Variants in GDNF observed in about 807,000 individuals in gnomAD.
GDNF encodes the protein glial cell derived neurotrophic factor, also known as glial cell line-derived neurotrophic factor.
GDNF carries 5 observed loss-of-function variants against 13.7 expected under a neutral mutation model. The observed-to-expected ratio is 0.36, with a 90% CI of 0.19 to 0.77. GDNF has a LOEUF of 0.77. GDNF is among the 30% of genes least tolerant of loss of function. The pLI is 0.51. For synonymous variants in GDNF, 122 were observed against 112.5 expected (o/e 1.08, Z -0.53); for missense variants, 246 against 274.3 (o/e 0.90, Z 0.73).
intron 1 of GDNF, chr5:37,835,785 C>T: frequency 1.3e-6 from 1 of 792,866 alleles, no homozygotes; most frequent in Non-Finnish European, 2.2e-6. Flanking sequence ...TCCCCGCGCC[C>T]CCGTCACGCC....
At position 37,816,111 on chromosome 5, in the gene GDNF, T is replaced by A; in HGVS notation, c.176A>T (p.Asp59Val). The change falls in exon 3 of 3, where the codon GAT becomes GTT. Residue 59 changes from aspartate to valine, a missense_variant. Physicochemically the swap from Asp to Val is radical, Grantham distance 152 (BLOSUM62 -3). Coordinates refer to ENST00000326524, the MANE Select transcript of GDNF (RefSeq NM_000514.4). ...AAAATCCATGACATCATCGAACTGA[T>A]CAGGATAATCCTCTGGCATATTTGC... is the stretch of plus-strand genomic sequence containing the variant. Reference protein sequence around the residue: ...SDSNMPEDYPDQFDDVMDFIQ... With the variant: ...SDSNMPEDYPVQFDDVMDFIQ... The A allele has an allele frequency of 6.2e-7, 1 of 1,613,486 alleles. No homozygotes were observed. The highest frequency in any genetic ancestry group is 1.1e-5 in the South Asian group (1 of 91,072).
rs970790833 is a variant in GDNF, at chr5:37,815,816, G to T, written c.471C>A (p.Asp157Glu). 2.5e-6 allele frequency: 4 copies of T among 1,614,048 alleles called. No homozygotes were observed. Among genetic ancestry groups the T allele is most frequent in the Non-Finnish European group, 3.4e-6 (4 of 1,179,978 alleles). Residue 157 changes from aspartate to glutamate, a missense_variant, in exon 3 of 3, where the codon GAC becomes GAA. Asp to Glu is a conservative substitution (Grantham distance 45). Coordinates refer to ENST00000326524, the MANE Select transcript of GDNF (RefSeq NM_000514.4). This position sits in a 1 kb window ranked among gnomAD's most constrained non-coding sequence, Gnocchi z 5.0. ...TTCTGGATAAGTTTTTCAATATTTTGTCGTACGTTGTCTCAGCTGCATCGC... is the reference window on the plus strand; with the variant it reads ...TTCTGGATAAGTTTTTCAATATTTTTTCGTACGTTGTCTCAGCTGCATCGC... Reference protein sequence around the residue: ...GSCDAAETTYDKILKNLSRNR... With the variant: ...GSCDAAETTYEKILKNLSRNR...
intron 1 of GDNF, among the ~76,000 whole-genome samples, chr5:37,836,508 C>T (rs1182397328): frequency 6.6e-6 from 1 of 152,176 alleles, no homozygotes; most frequent in African/African-American, 2.4e-5. Context: ...CAGCACCGAG[C>T]GCCTCTTGCC....
chr5:37,835,842 T>C (rs1750685084), intron 1 of GDNF: 17 of 653,032 alleles, frequency 2.6e-5, no homozygotes, highest in Non-Finnish European at 4.7e-5. Flanking sequence ...GCTCTGGCAC[T>C]GGAAGGCCTA....
At position 37,834,818 on chromosome 5, in the gene GDNF, G is replaced by T. The variant is rs1300183653; in HGVS notation, c.-22C>A. 6.2e-6 allele frequency: 10 copies of T among 1,612,322 alleles called. No homozygotes were observed. The highest frequency in any genetic ancestry group is 2.2e-5 in the East Asian group (1 of 44,776). On this transcript the variant is annotated 5_prime_UTR_variant, in exon 2 of 3. Coordinates refer to ENST00000326524, the MANE Select transcript of GDNF (RefSeq NM_000514.4). ...TCATCTTAAAGTCCCGTCCGGCGGCGGCACCTGCGCGGGCAGGCGGGAGGT... is the reference window on the plus strand; with the variant it reads ...TCATCTTAAAGTCCCGTCCGGCGGCTGCACCTGCGCGGGCAGGCGGGAGGT...
intron 2 of GDNF, among the ~76,000 whole-genome samples, chr5:37,818,027 C>T (rs985442863): frequency 1.5e-4 from 23 of 152,212 alleles, no homozygotes; most frequent in African/African-American, 5.3e-4. Context: ...GACCTCCTCT[C>T]TTGTTTCTCT....
At chr5:37,816,343 G>A (rs1749930059) in intron 2 of GDNF, among the ~76,000 whole-genome samples, 1 of 152,212 alleles carries the variant, frequency 6.6e-6, no homozygotes, top group Non-Finnish European at 1.5e-5. Context: ...GGAGACTAAT[G>A]TGGTGGTGAC....
chr5:37,835,379 C>T (rs1009930744), intron 1 of GDNF: 87 of 1,298,202 alleles, frequency 6.7e-5, no homozygotes, highest in Non-Finnish European at 8.5e-5. Flanking sequence ...AGGGCAGGCT[C>T]GGGGGCACCA....
chr5:37,837,299 C>T lies in GDNF; in HGVS notation c.-27+2208G>A, dbSNP rs192159042. Among the ~76,000 whole-genome samples the T allele has an allele frequency of 6.6e-6, 1 of 152,238 alleles. No individual in the cohort carries two copies. The highest frequency in any genetic ancestry group is 2.4e-5 in the African/African-American group (1 of 41,476). Reference sequence around the variant, plus strand: ...CCGCGGTGCAAACTGCTTTACGCGCCGCCACGTGCGAGAACCAAGCTCTGC... The same window carrying T: ...CCGCGGTGCAAACTGCTTTACGCGCTGCCACGTGCGAGAACCAAGCTCTGC... On this transcript the variant is annotated intron_variant, in intron 1 of 2. Transcript: ENST00000326524. This position sits in a 1 kb window ranked among gnomAD's most constrained non-coding sequence, Gnocchi z 6.5.
In GDNF at chr5:37,815,702, C is replaced by T; in HGVS notation, c.585G>A (p.Leu195=). The T allele has an allele frequency of 8.1e-6, 13 of 1,613,374 alleles. No homozygotes were observed. The highest frequency in any genetic ancestry group is 1.1e-5 in the Non-Finnish European group (13 of 1,179,322). The change falls in exon 3 of 3, where the codon CTG becomes CTA. Residue 195 remains leucine, a synonymous_variant. Coordinates refer to ENST00000326524, the MANE Select transcript of GDNF (RefSeq NM_000514.4). This position sits in a 1 kb window ranked among gnomAD's most constrained non-coding sequence, Gnocchi z 5.0. ...AATGCTTTCTTAGAATATGGTAAACCAGGTTATCATCTAAAAACGACAGGT... is the reference window on the plus strand; with the variant it reads ...AATGCTTTCTTAGAATATGGTAAACTAGGTTATCATCTAAAAACGACAGGT... ...DDDLSFLDDN[L]VYHILRKHSA...
chr5:37,818,916 C>T (rs1054663634), intron 2 of GDNF, among the ~76,000 whole-genome samples: 1 of 152,180 alleles, frequency 6.6e-6, no homozygotes, highest in East Asian at 1.9e-4. Context: ...AATCCAGATA[C>T]CCCTGCCCTG....
At position 37,821,813 on chromosome 5, in the gene GDNF, A is replaced by G. The variant is rs570949104; in HGVS notation, c.152-5678T>C. On this transcript the variant is annotated intron_variant, in intron 2 of 2. Coordinates refer to ENST00000326524, the MANE Select transcript of GDNF (RefSeq NM_000514.4). ...TTTGTAAAGTCAACTGAGTTTTAAT[A>G]GGAACAATGGTGAGGGCTCCAAGTC... Among the ~76,000 whole-genome samples, 269 of 152,352 alleles carry G rather than the reference A, an allele frequency of 1.8e-3. 1 individual carries two copies. Among genetic ancestry groups the G allele is most frequent in the African/African-American group, 6.3e-3 (263 of 41,578 alleles).
At chr5:37,830,110 C>T (rs1750469989) in intron 2 of GDNF, among the ~76,000 whole-genome samples, 1 of 152,218 alleles carries the variant, frequency 6.6e-6, no homozygotes, top group Non-Finnish European at 1.5e-5. Context: ...GCTTGTTGCA[C>T]TAGAAGCTTC....
In GDNF at chr5:37,839,755, C is replaced by T. The variant is rs1750832168; in HGVS notation, c.-275G>A. The stretch of plus-strand genomic sequence containing the variant: ...CAACTCTCCCGCCGGGCCCCCGCAC[C>T]CCCAGAAGCCGAGGTCCGAGCAGCC... On this transcript the variant is annotated 5_prime_UTR_variant, in exon 1 of 3. Transcript: ENST00000326524. This position sits in a 1 kb window ranked among gnomAD's most constrained non-coding sequence, Gnocchi z 5.5. 1 of 152,210 alleles carries T rather than the reference C, an allele frequency of 6.6e-6. No individual in the cohort carries two copies. The highest frequency in any genetic ancestry group is 2.1e-4 in the South Asian group (1 of 4,840). The allele number at this position is 152,210 out of a possible 1,614,324, so 9.4% of individuals were successfully genotyped here. A position where few individuals can be genotyped will look rare whatever the true frequency, so the allele number is the denominator to read the frequency against.
intron 2 of GDNF, among the ~76,000 whole-genome samples, chr5:37,821,707 G>T (rs940618487): frequency 2.0e-5 from 3 of 152,118 alleles, no homozygotes; most frequent in Admixed American, 2.0e-4. Flanking sequence ...ACAGTTCACC[G>T]CAAAGACTTT....
chr5:37,818,557 G>T (rs184470538), intron 2 of GDNF, among the ~76,000 whole-genome samples: 25 of 152,212 alleles, frequency 1.6e-4, no homozygotes, highest in Non-Finnish European at 2.9e-5. Flanking sequence ...ATAGCAGTAA[G>T]AAAACAGACT....
rs544575440 is a variant in GDNF, at chr5:37,813,265, A to G, written c.*2386T>C. 6.6e-6 allele frequency: 1 copy of G among 152,268 alleles called. No homozygotes were observed. The highest frequency in any genetic ancestry group is 1.9e-4 in the East Asian group (1 of 5,182). 9.4% of individuals were successfully genotyped at this position (152,268 alleles called of 1,614,324 possible). ...GGGCAGAACCATGAAGAATTTGGGT[A>G]TTTTGGGGGAAGGGGATCAGATGTC... On this transcript the variant is annotated 3_prime_UTR_variant, in exon 3 of 3. Coordinates refer to ENST00000326524, the MANE Select transcript of GDNF (RefSeq NM_000514.4).
In GDNF at chr5:37,839,809, G is replaced by A. The variant is rs553127907; in HGVS notation, c.-329C>T. 1 of 152,290 alleles carries A rather than the reference G, an allele frequency of 6.6e-6. No homozygotes were observed. Among genetic ancestry groups the A allele is most frequent in the African/African-American group, 2.4e-5 (1 of 41,444 alleles). 9.4% of individuals were successfully genotyped at this position (152,290 alleles called of 1,614,324 possible). A position where few individuals can be genotyped will look rare whatever the true frequency, so the allele number is the denominator to read the frequency against. On this transcript the variant is annotated 5_prime_UTR_variant, in exon 1 of 3. Coordinates refer to ENST00000326524, the MANE Select transcript of GDNF (RefSeq NM_000514.4). The surrounding 1 kb of genome is among the most constrained non-coding windows in gnomAD (Gnocchi z 5.5). ...GCTGCTTTGGGTGGGGGGCTGACAG[G>A]GCTGCGCGCGTCGCGCTCTTGGCTG...
chr5:37,817,050 G>C (rs934006362), intron 2 of GDNF, among the ~76,000 whole-genome samples: 2 of 152,208 alleles, frequency 1.3e-5, no homozygotes, highest in African/African-American at 2.4e-5. Flanking sequence ...CTGCCCCCAA[G>C]GGTGAGGTCC....
Sources: allele counts gnomAD v4.1 joint callset (sites outside exome capture counted in the v4.1 genomes callset), GRCh38; gene constraint gnomAD v4.1.1; non-coding constraint Gnocchi (gnomAD v3.1); transcripts MANE v1.5; gene names NCBI Gene and HGNC (gene_info 2026-07-23, HGNC 2026-07-21).